UMODL1: variants seen among roughly 807,000 people sequenced by gnomAD.
UMODL1 encodes uromodulin like 1, also known as uromodulin-like 1.
UMODL1 carries 128 observed loss-of-function variants against 136.3 expected under a neutral mutation model. The observed-to-expected ratio is 0.94, with a 90% CI of 0.81 to 1.09. The LOEUF (loss-of-function observed/expected upper bound fraction) is 1.09. UMODL1 is among the 50% of genes least tolerant of loss of function. The pLI, the probability that UMODL1 is intolerant of heterozygous loss-of-function variation, is 0.00. For synonymous variants in UMODL1, 721 were observed against 720.0 expected (o/e 1.00, Z -0.02); for missense variants, 1,766 against 1,725.6 (o/e 1.02, Z -0.41).
intron 8 of UMODL1, 65 bp downstream of exon 8, chr21:42,102,343 C>G (rs1050571034): frequency 1.7e-6 from 2 of 1,189,936 alleles, no homozygotes; most frequent in Non-Finnish European, 2.4e-6. Flanking sequence ...CAAACACAAG[C>G]CGTTAATTCC....
chr21:42,075,897 C>T (rs2066284620), intron 1 of UMODL1, 108 bp from the exon 2 acceptor site: 24 of 1,507,108 alleles, frequency 1.6e-5, no homozygotes, highest in South Asian at 5.0e-5. Context: ...TGCGCGAGTG[C>T]GGGAGGTGTG....
At chr21:42,119,353 C>A in intron 15 of UMODL1, 29 bp downstream of exon 15, 1 of 1,591,588 alleles carries the variant, frequency 6.3e-7, no homozygotes, top group Non-Finnish European at 8.6e-7. Flanking sequence ...GAGCCTCTCC[C>A]GTGTTCTGGA....
At chr21:42,128,904 G>T (rs2067097729) in intron 20 of UMODL1, among the ~76,000 whole-genome samples, 1 of 152,220 alleles carries the variant, frequency 6.6e-6, no homozygotes, top group Non-Finnish European at 1.5e-5. Context: ...GGCTTAAACA[G>T]TGGAAACTTA....
chr21:42,129,918 C>T (rs961591759), intron 21 of UMODL1, 121 bp downstream of exon 21: 2 of 703,686 alleles, frequency 2.8e-6, no homozygotes, highest in East Asian at 5.8e-5. Context: ...TTCTAAGAGG[C>T]TTATCATAAC....
Position 42,084,234 on chromosome 21 carries a change from C to T in UMODL1, c.470C>T (p.Pro157Leu), listed in dbSNP as rs541808785. Reference sequence around the variant, plus strand: ...TCAGGGGGGCGCTACTGCATGGCCCCTGCACCCCAAGGTAGGCTGCTGCGG... The same window carrying T: ...TCAGGGGGGCGCTACTGCATGGCCCTTGCACCCCAAGGTAGGCTGCTGCGG... ...PWSGGRYCMA[P>L]APQAPERDPV... Residue 157 changes from proline (P) to leucine (L), a missense_variant, in exon 3 of 23, where the codon CCT (proline) becomes CTT (leucine). Coordinates refer to ENST00000408910, the MANE Select transcript of UMODL1 (RefSeq NM_001004416.3). The T allele has an allele frequency of 6.2e-7, 1 of 1,613,336 alleles. No homozygotes were observed. The highest frequency in any genetic ancestry group is 1.7e-5 in the Admixed American group (1 of 59,998).
chr21:42,108,944 C>T lies in UMODL1; in HGVS notation c.1520-618C>T, dbSNP rs569662068. Among the ~76,000 whole-genome samples, 37 of 61,008 alleles carry T rather than the reference C, an allele frequency of 6.1e-4. 2 individuals carry two copies. The East Asian group carries it at 0.023, about 38-fold the overall frequency. 40.0% of individuals were successfully genotyped at this position (61,008 alleles called of 152,430 possible). On this transcript the variant is annotated intron_variant, in intron 9 of 22. Coordinates refer to ENST00000408910, the MANE Select transcript of UMODL1 (RefSeq NM_001004416.3). ...CCCCACGAGAGAAGTCCATGTTATA[C>T]TCAGGCTGACCCCCACTCCTGGCAT...
In UMODL1 at chr21:42,076,096, G is replaced by T. The variant is rs373713727; in HGVS notation, c.168G>T (p.Thr56=). ...TGGAGGCCGTGCAGACGTCCTACAC[G>T]TCCTATGTGTCCTGCGGCGGCTGGA... is the stretch of plus-strand genomic sequence containing the variant. ...QKVEAVQTSY[T]SYVSCGGWIP... Residue 56 remains threonine, a synonymous_variant, in exon 2 of 23, where the codon ACG becomes ACT. Transcript: ENST00000408910. 3.1e-6 allele frequency: 5 copies of T among 1,614,114 alleles called. No homozygotes were observed. Among genetic ancestry groups the T allele is most frequent in the East Asian group, 4.5e-5 (2 of 44,890 alleles).
chr21:42,067,343 A>G (rs1282047627), upstream of UMODL1, among the ~76,000 whole-genome samples: 1 of 152,190 alleles, frequency 6.6e-6, no homozygotes, highest in Non-Finnish European at 1.5e-5. Flanking sequence ...AGTGATGGAT[A>G]CTTAAAATAC....
chr21:42,079,785 GCT>G (rs1455142709), intron 2 of UMODL1, among the ~76,000 whole-genome samples: 1 of 152,236 alleles, frequency 6.6e-6, no homozygotes, highest in East Asian at 1.9e-4. Flanking sequence ...AGGAAGGCAG[GCT>G]GGGGATGTGG....
Position 42,109,131 on chromosome 21 carries a change from C to T in UMODL1, c.1520-431C>T, listed in dbSNP as rs1163403531. Among the ~76,000 whole-genome samples, 4 of 140,028 alleles carry T rather than the reference C, an allele frequency of 2.9e-5. 1 individual carries two copies. Among genetic ancestry groups the T allele is most frequent in the East Asian group, 4.2e-4 (2 of 4,718 alleles). The allele number at this position is 140,028 out of a possible 152,430, so 91.9% of individuals were successfully genotyped here. A position where few individuals can be genotyped will look rare whatever the true frequency, so the allele number is the denominator to read the frequency against. ...GGTGTTATACTCCGCTGGACCCCCA[C>T]CCCCCATGCGGAAAGTTCACGTTAT... On this transcript the variant is annotated intron_variant, in intron 9 of 22. Coordinates refer to ENST00000408910, the MANE Select transcript of UMODL1 (RefSeq NM_001004416.3).
At position 42,115,992 on chromosome 21, in the gene UMODL1, T is replaced by C. The variant is rs2066897151; in HGVS notation, c.2475+7T>C. The C allele has an allele frequency of 1.2e-6, 2 of 1,606,096 alleles. No homozygotes were observed. The highest frequency in any genetic ancestry group is 8.5e-7 in the Non-Finnish European group (1 of 1,173,258). On this transcript the variant is annotated splice_region_variant and intron_variant, in intron 14 of 22. Transcript: ENST00000408910. ...AGAACTATTCTTCAGGATGGTGAGTTGGTGATATCAGCCCTTAATTCCTTT... is the reference window on the plus strand; with the variant it reads ...AGAACTATTCTTCAGGATGGTGAGTCGGTGATATCAGCCCTTAATTCCTTT...
chr21:42,140,341 A>G (rs1034380512), intron 22 of UMODL1, among the ~76,000 whole-genome samples: 2 of 149,492 alleles, frequency 1.3e-5, no homozygotes, highest in Non-Finnish European at 3.0e-5. Context: ...GCAAGAAGGG[A>G]TAGGTGTCCC....
Position 42,102,173 on chromosome 21 carries a change from G to A in UMODL1, c.1194G>A (p.Gln398=). ...STTLTIKTNA[Q]VFEVTIKIVN... is the part of the protein sequence containing the mutation. ...TTTCACTGTCTGTCTCAGATGCCCA[G>A]GTATTTGAAGTCACAATAAAGATTG... Residue 398 remains glutamine, a synonymous_variant, in exon 8 of 23, where the codon CAG becomes CAA. Coordinates refer to ENST00000408910, the MANE Select transcript of UMODL1 (RefSeq NM_001004416.3). 2 of 1,611,652 alleles carry A rather than the reference G, an allele frequency of 1.2e-6. No homozygotes were observed. Among genetic ancestry groups the A allele is most frequent in the Non-Finnish European group, 8.5e-7 (1 of 1,178,328 alleles).
rs978282020 is a variant in UMODL1 at position 42,123,273 on chromosome 21, G to C, written c.3147+123G>C. ...CCCCGAGGGGAACCCAGCAAGGGGG[G>C]TTCAGGACAGGGTTGAGTTCTCAAC... On this transcript the variant is annotated intron_variant, in intron 17 of 22. Transcript: ENST00000408910. This position sits in a 1 kb window ranked among gnomAD's most constrained non-coding sequence, Gnocchi z 4.4. 2 of 1,166,168 alleles carry C rather than the reference G, an allele frequency of 1.7e-6. No individual in the cohort carries two copies. The highest frequency in any genetic ancestry group is 1.2e-6 in the Non-Finnish European group (1 of 847,918). The allele number at this position is 1,166,168 out of a possible 1,614,324, so 72.2% of individuals were successfully genotyped here.
intron 15 of UMODL1, 68 bp downstream of exon 15, chr21:42,119,392 C>G (rs185437685): frequency 4.8e-6 from 7 of 1,462,612 alleles, no homozygotes; most frequent in Non-Finnish European, 5.7e-6. Context: ...GCAGCCACCA[C>G]CCTTCGCTTT....
chr21:42,082,778 G>A (rs1310699244), intron 2 of UMODL1, among the ~76,000 whole-genome samples: 1 of 152,218 alleles, frequency 6.6e-6, no homozygotes, highest in African/African-American at 2.4e-5. Flanking sequence ...ACGCTCTGCT[G>A]TCTCCTGACC....
intron 12 of UMODL1, among the ~76,000 whole-genome samples, chr21:42,112,182 C>G (rs1438430447): frequency 6.6e-6 from 1 of 151,958 alleles, no homozygotes; most frequent in Non-Finnish European, 1.5e-5. Context: ...TGTTCCGTCA[C>G]CCTGCCAAGC....
chr21:42,142,302 A>G lies in UMODL1; in HGVS notation c.*228A>G, dbSNP rs1024145226. The G allele has an allele frequency of 1.6e-4, 25 of 152,308 alleles. No individual in the cohort carries two copies. Among genetic ancestry groups the G allele is most frequent in the Non-Finnish European group, 3.1e-4 (21 of 68,112 alleles). 9.4% of individuals were successfully genotyped at this position (152,308 alleles called of 1,614,324 possible). A position where few individuals can be genotyped will look rare whatever the true frequency, so the allele number is the denominator to read the frequency against. On this transcript the variant is annotated 3_prime_UTR_variant, in exon 23 of 23. Coordinates refer to ENST00000408910, the MANE Select transcript of UMODL1 (RefSeq NM_001004416.3). ...CAGCCACCGTCTGTCCCGAAGAGGC[A>G]GGCCGTCCTGTAGGTCCTAGAGGAG...
At chr21:42,108,394 G>T in intron 9 of UMODL1, 1 of 507,010 alleles carries the variant, frequency 2.0e-6, no homozygotes, top group Non-Finnish European at 4.1e-6. Context: ...CTAGGGTGGT[G>T]GCATAGCTGT....
Sources: gnomAD v4.1 joint callset for allele counts (sites outside exome capture counted in the v4.1 genomes callset) on GRCh38, gnomAD v4.1.1 for gene constraint, Gnocchi (gnomAD v3.1) non-coding constraint, MANE v1.5 for transcripts, NCBI Gene and HGNC (gene_info 2026-07-23, HGNC 2026-07-21) for gene names.